The following TRIM5 variants were observed in gnomAD, a reference collection of about 807,000 sequenced individuals.
TRIM5 encodes the protein tripartite motif-containing protein 5.
TRIM5 carries 31 observed loss-of-function variants against 35.6 expected under a neutral mutation model. That is an observed-to-expected ratio of 0.87 (90% CI 0.65 to 1.18). The LOEUF is 1.18. TRIM5 is among the 50% of genes most tolerant of loss of function. TRIM5 has a pLI of 0.00. For synonymous variants in TRIM5, 243 were observed against 215.6 expected (o/e 1.13, Z -1.11); for missense variants, 609 against 591.6 (o/e 1.03, Z -0.31).
chr11:5,622,369 C>T, the TRIM5 span, among the ~76,000 whole-genome samples: 3 of 151,100 alleles, frequency 2.0e-5, no homozygotes, highest in South Asian at 2.1e-4. Flanking sequence ...GGCGTGAACC[C>T]GGCAGGCGGA....
the TRIM5 span, among the ~76,000 whole-genome samples, chr11:5,594,993 G>A: frequency 1.3e-5 from 2 of 152,248 alleles, no homozygotes; most frequent in South Asian, 2.1e-4. Context: ...TAACCTTTGC[G>A]TGGCTTCTTA....
At chr11:5,628,990 G>T in the TRIM5 span, among the ~76,000 whole-genome samples, 2 of 151,902 alleles carry the variant, frequency 1.3e-5, no homozygotes, top group African/African-American at 4.8e-5. Context: ...AAAAACACAG[G>T]TCAAGGCCGG....
chr11:5,622,441 T>A, the TRIM5 span, among the ~76,000 whole-genome samples: 1 of 123,024 alleles, frequency 8.1e-6, no homozygotes, highest in African/African-American at 3.1e-5. Flanking sequence ...CGAGACTACC[T>A]CTCAAAAAAA....
the TRIM5 span, chr11:5,632,884 T>C: frequency 1.6e-6 from 2 of 1,270,450 alleles, no homozygotes; most frequent in Non-Finnish European, 2.0e-6. Context: ...TGGAGTGCAG[T>C]GGCGTGCTCT....
intron 1 of TRIM5, among the ~76,000 whole-genome samples, chr11:5,683,183 C>T (rs1479145396): frequency 1.3e-5 from 2 of 152,230 alleles, no homozygotes; most frequent in African/African-American, 4.8e-5. Context: ...CCTGAGCCTC[C>T]CCACGACCCC....
the TRIM5 span, among the ~76,000 whole-genome samples, chr11:5,596,412 TATGTAGAGGAGGC>T: frequency 1.8e-3 from 1 of 558 alleles, no homozygotes; most frequent in African/African-American, 2.1e-3. Context: ...CAAGCTGAAG[TATGTAGAGGAGGC>T]AGCTCTGGAA....
chr11:5,603,199 CCCTCCTTTCTTA>C, the TRIM5 span: 1 of 1,578,298 alleles, frequency 6.3e-7, no homozygotes, highest in Non-Finnish European at 8.6e-7. Context: ...CCCTTATTCT[CCCTCCTTTCTTA>C]CCCTGATCCT....
chr11:5,627,262 C>T, the TRIM5 span, among the ~76,000 whole-genome samples: 1 of 151,996 alleles, frequency 6.6e-6, no homozygotes, highest in South Asian at 2.1e-4. Context: ...CACCTGTAAT[C>T]CCAGCTACTC....
At position 5,664,300 on chromosome 11, in the gene TRIM5, G is replaced by A; in HGVS notation, c.*509C>T. The stretch of plus-strand genomic sequence containing the variant: ...ACTGCTGGTATATGGAGAGACAGGA[G>A]TTGAACTGAGATCCTCTAGATACAA... On this transcript the variant is annotated 3_prime_UTR_variant, in exon 8 of 8. Coordinates refer to ENST00000380034, the MANE Select transcript of TRIM5 (RefSeq NM_033034.3). The A allele has an allele frequency of 4.1e-6, 4 of 986,060 alleles. No homozygotes were observed. Among genetic ancestry groups the A allele is most frequent in the Non-Finnish European group, 4.8e-6 (4 of 830,504 alleles). The allele number at this position is 986,060 out of a possible 1,614,324, so 61.1% of individuals were successfully genotyped here.
At chr11:5,596,137 C>G in the TRIM5 span, 1 of 152,232 alleles carries the variant, frequency 6.6e-6, no homozygotes. Context: ...GTGGAGGACG[C>G]GGCTGCTTCA....
At position 5,679,115 on chromosome 11, in the gene TRIM5, C is replaced by T. The variant is rs765271659; in HGVS notation, c.472G>A (p.Glu158Lys). Reference protein sequence around the residue: ...MLRQKQQEAEELEADIREEKA... With the variant: ...MLRQKQQEAEKLEADIREEKA... ...TCTTCTCTGATGTCAGCTTCTAACT[C>T]TTCAGCTTCCTGCTGCTTCTGCCTC... Residue 158 changes from glutamate to lysine, a missense_variant, in exon 3 of 8, where the codon GAG (glutamate) becomes AAG (lysine). Glu to Lys is a moderately conservative substitution (Grantham distance 56). Coordinates refer to ENST00000380034, the MANE Select transcript of TRIM5 (RefSeq NM_033034.3). 1.7e-5 allele frequency: 27 copies of T among 1,614,014 alleles called. No individual in the cohort carries two copies. Among genetic ancestry groups the T allele is most frequent in the Non-Finnish European group, 2.2e-5 (26 of 1,180,006 alleles).
chr11:5,659,073 C>G (rs1590211964), downstream of TRIM5, among the ~76,000 whole-genome samples: 1 of 152,004 alleles, frequency 6.6e-6, no homozygotes, highest in Admixed American at 6.6e-5. Context: ...AATGGGTGCA[C>G]CAAACCAACA....
the TRIM5 span, among the ~76,000 whole-genome samples, chr11:5,657,677 T>TATTTATATTATATTATAA: frequency 1.9e-4 from 24 of 125,294 alleles, 1 homozygote; most frequent in African/African-American, 7.5e-4. Context: ...TATAATATAA[T>TATTTATATTATATTATAA]ATATATATAT....
At chr11:5,634,976 T>A in the TRIM5 span, 3 of 1,089,178 alleles carry the variant, frequency 2.8e-6, no homozygotes, top group East Asian at 5.3e-5. Flanking sequence ...TGCCGCCTTG[T>A]CGTCCATTCT....
chr11:5,589,554 A>G, the TRIM5 span: 1 of 152,130 alleles, frequency 6.6e-6, no homozygotes, highest in Non-Finnish European at 1.5e-5. Context: ...TTCTCTCCTT[A>G]ATTAACTAAA....
chr11:5,667,556 AT>A, intron 5 of TRIM5, 132 bp downstream of exon 5: 1 of 983,400 alleles, frequency 1.0e-6, no homozygotes, highest in Non-Finnish European at 1.5e-6. Flanking sequence ...ATGACCAGAA[AT>A]TTATGATAAA....
chr11:5,660,757 G>A (rs557591262), downstream of TRIM5, among the ~76,000 whole-genome samples: 3 of 151,822 alleles, frequency 2.0e-5, no homozygotes, highest in Non-Finnish European at 2.9e-5. Flanking sequence ...ATTAAGTTTA[G>A]ATAGGCCGGG....
the TRIM5 span, chr11:5,644,416 G>A: frequency 2.5e-6 from 1 of 395,464 alleles, no homozygotes; most frequent in Non-Finnish European, 4.5e-6. Flanking sequence ...CTGTAGTAAT[G>A]TCCTGTGCAA....
the TRIM5 span, among the ~76,000 whole-genome samples, chr11:5,630,026 G>C: frequency 1.3e-5 from 2 of 152,020 alleles, no homozygotes; most frequent in East Asian, 1.9e-4. Context: ...TTCTTACGGT[G>C]GTACAAGACC....
Sources: allele counts gnomAD v4.1 joint callset (sites outside exome capture counted in the v4.1 genomes callset), GRCh38; gene constraint gnomAD v4.1.1; transcripts MANE v1.5; gene names NCBI Gene and HGNC (gene_info 2026-07-23, HGNC 2026-07-21).